The following GABRG3 variants were observed in gnomAD, a reference collection of about 807,000 sequenced individuals.
GABRG3 encodes gamma-aminobutyric acid type A receptor subunit gamma3, also known as gamma-aminobutyric acid receptor subunit gamma-3.
A neutral mutation model predicts 48.8 loss-of-function variants in GABRG3; 25 were observed. The ratio of observed to expected loss-of-function variants is 0.51; its 90% CI spans 0.37 to 0.72. The LOEUF (loss-of-function observed/expected upper bound fraction) is 0.72. Ranked by LOEUF, GABRG3 falls within the 30% of genes least tolerant of loss-of-function variation. GABRG3 has a pLI of 0.00. For synonymous variants in GABRG3, 227 were observed against 217.6 expected (o/e 1.04, Z -0.38); for missense variants, 394 against 577.9 (o/e 0.68, Z 3.26).
chr15:27,181,598 G>A (rs1332356938), intron 3 of GABRG3, among the ~76,000 whole-genome samples: 1 of 152,124 alleles, frequency 6.6e-6, no homozygotes. Flanking sequence ...GACTCTACTC[G>A]TACATCCTGC....
chr15:27,431,079 T>C (rs1172982339), intron 5 of GABRG3, among the ~76,000 whole-genome samples: 1 of 151,842 alleles, frequency 6.6e-6, no homozygotes, highest in Non-Finnish European at 1.5e-5. Context: ...CTCAATTCTG[T>C]TTTACTTGTC....
At chr15:27,350,224 C>T (rs2140535328) in intron 5 of GABRG3, 16 of 455,144 alleles carry the variant, frequency 3.5e-5, no homozygotes, top group South Asian at 1.9e-4. Context: ...CTCGGAGACT[C>T]GCTTCCATTC....
At chr15:27,170,642 G>T (rs924499447) in intron 3 of GABRG3, among the ~76,000 whole-genome samples, 3 of 152,190 alleles carry the variant, frequency 2.0e-5, no homozygotes, top group Non-Finnish European at 4.4e-5. Context: ...AAATGCCTCA[G>T]TTAATAAGTT....
intron 2 of GABRG3, among the ~76,000 whole-genome samples, chr15:27,009,113 A>T (rs557954657): frequency 2.0e-5 from 3 of 151,902 alleles, no homozygotes; most frequent in Non-Finnish European, 4.4e-5. Flanking sequence ...TCCCCAGCTC[A>T]CTCTTCAGCT....
intron 6 of GABRG3, among the ~76,000 whole-genome samples, chr15:27,505,358 C>A (rs997931256): frequency 2.0e-5 from 3 of 152,120 alleles, no homozygotes; most frequent in African/African-American, 7.2e-5. Flanking sequence ...ACAATATTTT[C>A]TTTGCAATTT....
chr15:27,034,281 C>T (rs746362977), intron 3 of GABRG3, among the ~76,000 whole-genome samples: 51 of 152,132 alleles, frequency 3.4e-4, no homozygotes, highest in Non-Finnish European at 6.2e-4. Context: ...ATTCAGGCCA[C>T]GCATGTAACT....
intron 3 of GABRG3, among the ~76,000 whole-genome samples, chr15:27,068,147 A>G (rs1377069270): frequency 3.9e-5 from 6 of 152,246 alleles, no homozygotes; most frequent in Admixed American, 2.6e-4. Context: ...CCAAGCTACC[A>G]GAGAGATCTG....
intron 5 of GABRG3, among the ~76,000 whole-genome samples, chr15:27,344,620 C>T (rs1486753818): frequency 6.6e-6 from 1 of 152,096 alleles, no homozygotes; most frequent in African/African-American, 2.4e-5. Flanking sequence ...AAGAAATTTG[C>T]ATACCAACAT....
intron 5 of GABRG3, among the ~76,000 whole-genome samples, chr15:27,345,158 CTCTG>C (rs777745500): frequency 6.6e-6 from 1 of 152,114 alleles, no homozygotes; most frequent in East Asian, 1.9e-4. Context: ...CTGTGACAAT[CTCTG>C]TCTTTTATTT....
rs559605839 is a variant in GABRG3, at chr15:27,453,805, C to T, written c.575-26845C>T. ...TTAGTACTGGCAGGGTTTCACCATG[C>T]TGCCCAGGCTGGTCTTCCACTCCTG... is the stretch of plus-strand genomic sequence containing the variant. On this transcript the variant is annotated intron_variant, in intron 5 of 9. Coordinates refer to ENST00000615808, the MANE Select transcript of GABRG3 (RefSeq NM_033223.5). Among the ~76,000 whole-genome samples the T allele has an allele frequency of 3.0e-4, 46 of 152,246 alleles. No individual in the cohort carries two copies. In the East Asian group the frequency reaches 3.3e-3, roughly 11 times the overall value.
intron 2 of GABRG3, among the ~76,000 whole-genome samples, chr15:27,020,665 C>G (rs113046420): frequency 0.053 from 8,041 of 152,166 alleles, 697 homozygotes; most frequent in African/African-American, 0.18. Context: ...GATCCGCCCC[C>G]CTCTGCCTCC....
intron 3 of GABRG3, among the ~76,000 whole-genome samples, chr15:27,109,834 A>G (rs4381575): frequency 0.25 from 37,940 of 152,076 alleles, 4,931 homozygotes; most frequent in Middle Eastern, 0.34. Flanking sequence ...GTGAGTGGAG[A>G]TCGCGCCACT....
At chr15:27,512,998 A>G (rs1046144075) in intron 6 of GABRG3, among the ~76,000 whole-genome samples, 13 of 152,164 alleles carry the variant, frequency 8.5e-5, no homozygotes, top group Admixed American at 7.2e-4. Flanking sequence ...ATACTTCCCT[A>G]TGATCTTGGA....
intron 3 of GABRG3, among the ~76,000 whole-genome samples, chr15:27,131,840 AT>A (rs770898559): frequency 6.6e-6 from 1 of 151,840 alleles, no homozygotes; most frequent in Non-Finnish European, 1.5e-5. Flanking sequence ...GGGTAAGGTG[AT>A]GTCTTACTGT....
intron 3 of GABRG3, among the ~76,000 whole-genome samples, chr15:27,313,826 G>T (rs919834528): frequency 2.6e-4 from 39 of 152,100 alleles, no homozygotes; most frequent in Non-Finnish European, 1.2e-4. Flanking sequence ...GAGGAAAGCA[G>T]TACTGTGAGG....
At chr15:27,395,134 G>A (rs72705721) in intron 5 of GABRG3, among the ~76,000 whole-genome samples, 3,491 of 152,234 alleles carry the variant, frequency 0.023, 54 homozygotes, top group Middle Eastern at 0.048. Flanking sequence ...CTGAGGCTCT[G>A]TTCATTTTTC....
intron 3 of GABRG3, among the ~76,000 whole-genome samples, chr15:27,096,214 A>G (rs1897263434): frequency 6.6e-6 from 1 of 152,156 alleles, no homozygotes; most frequent in Non-Finnish European, 1.5e-5. Flanking sequence ...TTTAGCAAAT[A>G]TTTATTGAGC....
chr15:26,995,909 A>G (rs1895332093), intron 2 of GABRG3, among the ~76,000 whole-genome samples: 1 of 152,108 alleles, frequency 6.6e-6, no homozygotes, highest in Non-Finnish European at 1.5e-5. Context: ...TTTATGATGT[A>G]TCATGTCTTC....
In GABRG3 at chr15:27,281,597, T is replaced by C. The variant is rs150336064; in HGVS notation, c.271-45212T>C. On this transcript the variant is annotated intron_variant, in intron 3 of 9. Coordinates refer to ENST00000615808, the MANE Select transcript of GABRG3 (RefSeq NM_033223.5). ...GATACATATACAACTTTTCAAAATC[T>C]GTTGGTACTTTGTATTTTTCGGACA... Among the ~76,000 whole-genome samples the C allele has an allele frequency of 5.5e-4, 84 of 151,934 alleles. 1 individual carries two copies. The South Asian group carries it at 0.01, about 18-fold the overall frequency.
Sources: allele counts gnomAD v4.1 joint callset (sites outside exome capture counted in the v4.1 genomes callset), GRCh38; gene constraint gnomAD v4.1.1; transcripts MANE v1.5; gene names NCBI Gene and HGNC (gene_info 2026-07-23, HGNC 2026-07-21).